Variants in DTNB observed in about 807,000 individuals in gnomAD.
DTNB encodes the protein DTN-B.
DTNB carries 63 observed loss-of-function variants against 90.7 expected under a neutral mutation model. The observed-to-expected ratio is 0.69, with a 90% CI of 0.57 to 0.86. DTNB has a LOEUF of 0.86. Ranked by LOEUF, DTNB falls within the 40% of genes least tolerant of loss-of-function variation. DTNB has a pLI of 0.00. For missense variants in DTNB, 744 were observed against 807.1 expected (o/e 0.92, Z 0.95); for synonymous variants, 277 against 286.7 (o/e 0.97, Z 0.34).
intron 16 of DTNB, among the ~76,000 whole-genome samples, chr2:25,417,878 T>A (rs1436109399): frequency 6.6e-6 from 1 of 152,228 alleles, no homozygotes; most frequent in African/African-American, 2.4e-5. Flanking sequence ...ATTTCCAACA[T>A]CTGCTTCTCT....
intron 16 of DTNB, among the ~76,000 whole-genome samples, chr2:25,390,953 G>C (rs974430637): frequency 2.0e-5 from 3 of 148,520 alleles, no homozygotes; most frequent in African/African-American, 2.5e-5. Context: ...CTGGAGTGCA[G>C]TGGTGCAATC....
intron 8 of DTNB, among the ~76,000 whole-genome samples, chr2:25,537,745 G>C (rs558453396): frequency 6.6e-6 from 1 of 152,306 alleles, no homozygotes; most frequent in South Asian, 2.1e-4. Context: ...AGGGGCATTA[G>C]CTCTTCTGTC....
At chr2:25,522,055 T>C (rs901506670) in intron 9 of DTNB, among the ~76,000 whole-genome samples, 2 of 152,232 alleles carry the variant, frequency 1.3e-5, no homozygotes, top group African/African-American at 4.8e-5. Context: ...AGCAAATTGC[T>C]TGAATTCGGA....
At position 25,461,438 on chromosome 2, in the gene DTNB, A is replaced by G. The variant is rs540842434; in HGVS notation, c.1080-5944T>C. Reference sequence around the variant, plus strand: ...TTTGATAAAATATAAATATACATATATACATAAATATGCAACATATATATA... The same window carrying G: ...TTTGATAAAATATAAATATACATATGTACATAAATATGCAACATATATATA... On this transcript the variant is annotated intron_variant, in intron 10 of 20. Transcript: ENST00000406818. 3.9e-5 allele frequency among the ~76,000 whole-genome samples: 6 copies of G among 152,370 alleles called. No individual in the cohort carries two copies. The South Asian group carries it at 1.2e-3, about 32-fold the overall frequency.
At chr2:25,596,461 A>T in intron 5 of DTNB, 2 of 337,182 alleles carry the variant, frequency 5.9e-6, no homozygotes, top group Non-Finnish European at 5.2e-6. Context: ...TATTCTACTT[A>T]AACATCAAAT....
intron 3 of DTNB, among the ~76,000 whole-genome samples, chr2:25,631,012 T>TA (rs1388554175): frequency 2.0e-5 from 3 of 151,842 alleles, no homozygotes; most frequent in Admixed American, 6.6e-5. Flanking sequence ...GCAAATCCAT[T>TA]AAAAAAAAGT....
chr2:25,447,383 G>A (rs938549271), intron 12 of DTNB, among the ~76,000 whole-genome samples: 4 of 151,826 alleles, frequency 2.6e-5, no homozygotes, highest in African/African-American at 7.3e-5. Flanking sequence ...TAATGTAAAT[G>A]TACCCAAAGT....
At chr2:25,393,218 G>C (rs2041621312) in intron 16 of DTNB, among the ~76,000 whole-genome samples, 1 of 152,174 alleles carries the variant, frequency 6.6e-6, no homozygotes, top group Non-Finnish European at 1.5e-5. Flanking sequence ...AACTGGCATA[G>C]AAGGGACATA....
intron 8 of DTNB, among the ~76,000 whole-genome samples, chr2:25,535,171 A>G (rs1044366483): frequency 1.5e-5 from 2 of 130,390 alleles, no homozygotes; most frequent in Non-Finnish European, 3.2e-5. Flanking sequence ...GGTACTCCTC[A>G]CTTCCTCCCA....
chr2:25,628,097 A>T (rs1208874983), intron 4 of DTNB, 74 bp downstream of exon 4: 24 of 1,496,696 alleles, frequency 1.6e-5, no homozygotes, highest in Non-Finnish European at 2.2e-5. Context: ...TTAGCACGGC[A>T]GTATGGAAGA....
intron 7 of DTNB, 40 bp downstream of exon 7, chr2:25,580,681 T>C (rs1559110860): frequency 2.1e-5 from 32 of 1,544,430 alleles, no homozygotes; most frequent in Non-Finnish European, 2.8e-5. Flanking sequence ...TCCTATACTT[T>C]CTATAGCATG....
intron 11 of DTNB, among the ~76,000 whole-genome samples, chr2:25,453,749 A>G (rs1427232154): frequency 6.6e-6 from 1 of 152,192 alleles, no homozygotes. Context: ...CAAAGAAATC[A>G]TCTGTTGGAT....
At chr2:25,587,537 C>A (rs559991929) in intron 6 of DTNB, among the ~76,000 whole-genome samples, 7 of 152,182 alleles carry the variant, frequency 4.6e-5, no homozygotes, top group African/African-American at 2.4e-5. Flanking sequence ...CAGCCCCACA[C>A]CCCACAGGCT....
At chr2:25,659,960 G>A (rs971682604) in intron 1 of DTNB, among the ~76,000 whole-genome samples, 3 of 151,974 alleles carry the variant, frequency 2.0e-5, no homozygotes, top group Non-Finnish European at 4.4e-5. Context: ...AGTCTTCAAC[G>A]AAATATTAGC....
At position 25,467,983 on chromosome 2, in the gene DTNB, G is replaced by C. The variant is rs537213383; in HGVS notation, c.1080-12489C>G. Among the ~76,000 whole-genome samples the C allele has an allele frequency of 3.3e-5, 5 of 152,212 alleles. 1 individual carries two copies. In the East Asian group the frequency reaches 9.7e-4, roughly 30 times the overall value. On this transcript the variant is annotated intron_variant, in intron 10 of 20. Coordinates refer to ENST00000406818, the MANE Select transcript of DTNB (RefSeq NM_021907.5). ...CAGGAGTTGGCACAAGCTGTAGTTT[G>C]CCAACCGCTGCCCTTGTGTGTACCA... is the stretch of plus-strand genomic sequence containing the variant.
At chr2:25,601,718 C>T (rs2065925038) in intron 5 of DTNB, among the ~76,000 whole-genome samples, 1 of 152,200 alleles carries the variant, frequency 6.6e-6, no homozygotes, top group African/African-American at 2.4e-5. Flanking sequence ...CGCCTGTCAT[C>T]TTTCTACCAG....
intron 4 of DTNB, among the ~76,000 whole-genome samples, chr2:25,622,655 A>C (rs2073065294): frequency 6.6e-6 from 1 of 152,090 alleles, no homozygotes; most frequent in Non-Finnish European, 1.5e-5. Flanking sequence ...ATGCATGTGA[A>C]CACTCTAGCC....
intron 3 of DTNB, among the ~76,000 whole-genome samples, chr2:25,631,767 T>C (rs1203685380): frequency 9.2e-5 from 14 of 152,004 alleles, no homozygotes; most frequent in Non-Finnish European, 4.4e-5. Context: ...AAATACACAC[T>C]CAAAAAGTAC....
At chr2:25,526,395 A>ATATATATATATATATATATATATATATT in intron 9 of DTNB, among the ~76,000 whole-genome samples, 1 of 49,858 alleles carries the variant, frequency 2.0e-5, no homozygotes, top group Admixed American at 2.9e-4. Context: ...ATATATATAT[A>ATATATATATATATATATATATATATATT]TTTTTTTTTT....
Sources: allele counts gnomAD v4.1 joint callset (sites outside exome capture counted in the v4.1 genomes callset), GRCh38; gene constraint gnomAD v4.1.1; transcripts MANE v1.5; gene names NCBI Gene and HGNC (gene_info 2026-07-23, HGNC 2026-07-21).